The following ZKSCAN2 variants were observed in gnomAD, a reference collection of about 807,000 sequenced individuals.
The protein encoded by ZKSCAN2 is zinc finger with KRAB and SCAN domains 2.
Under a neutral mutation model 90.5 loss-of-function variants are expected in ZKSCAN2, and 38 were observed. The observed-to-expected ratio is 0.42, with a 90% CI of 0.32 to 0.55. ZKSCAN2 has a LOEUF of 0.55. Ranked by LOEUF, ZKSCAN2 falls within the 20% of genes least tolerant of loss-of-function variation. ZKSCAN2 has a pLI of 0.11. For synonymous variants in ZKSCAN2, 429 were observed against 421.6 expected (o/e 1.02, Z -0.22); for missense variants, 1,167 against 1,202.6 (o/e 0.97, Z 0.44).
Position 25,247,235 on chromosome 16 carries a change from C to G in ZKSCAN2, c.961G>C (p.Ala321Pro). 1.2e-6 allele frequency: 2 copies of G among 1,614,204 alleles called. No individual in the cohort carries two copies. The highest frequency in any genetic ancestry group is 1.1e-5 in the South Asian group (1 of 91,088). Residue 321 changes from alanine to proline, a missense_variant, in exon 5 of 7, where the codon GCA becomes CCA. By Grantham distance (27) the Ala-to-Pro change is conservative (BLOSUM62 -1). Transcript: ENST00000328086. ...TGCTGCTCTCTCCATGTTTTTCCTG[C>G]ACTCCTTGCAGGGACCTGAATAGCA... Reference protein sequence around the residue: ...VHAIQVPARSAGKTWREQQQW... With the variant: ...VHAIQVPARSPGKTWREQQQW...
rs1158911342 is a variant in ZKSCAN2, at chr16:25,236,033, T to C, written c.*3783A>G. On this transcript the variant is annotated 3_prime_UTR_variant, in exon 7 of 7. Transcript: ENST00000328086. ...AGAAACCAGTGGGAGCCATTTATTT[T>C]AGACATTTATTCCACAAACAAGTTT... 2.6e-5 allele frequency: 4 copies of C among 152,262 alleles called. No homozygotes were observed. The highest frequency in any genetic ancestry group is 1.3e-4 in the Admixed American group (2 of 15,282). 9.4% of individuals were successfully genotyped at this position (152,262 alleles called of 1,614,324 possible). A position where few individuals can be genotyped will look rare whatever the true frequency, so the allele number is the denominator to read the frequency against.
intron 1 of ZKSCAN2, among the ~76,000 whole-genome samples, chr16:25,256,524 A>T (rs964972017): frequency 6.6e-6 from 1 of 152,140 alleles, no homozygotes; most frequent in Non-Finnish European, 1.5e-5. Flanking sequence ...TATTTCAATC[A>T]AAGCTTTTAT....
intron 1 of ZKSCAN2, 144 bp downstream of exon 1, chr16:25,256,585 A>T (rs1963105366): frequency 1.3e-6 from 1 of 780,922 alleles, no homozygotes; most frequent in East Asian, 2.6e-5. Context: ...ATTCACTTAA[A>T]GTGAAAAGAC....
Position 25,255,395 on chromosome 16 carries a change from G to A in ZKSCAN2, c.400-3C>T. 2 of 1,608,476 alleles carry A rather than the reference G, an allele frequency of 1.2e-6. No individual in the cohort carries two copies. The highest frequency in any genetic ancestry group is 1.1e-5 in the South Asian group (1 of 90,700). On this transcript the variant is annotated splice_polypyrimidine_tract_variant and splice_region_variant and intron_variant, in intron 1 of 6. Transcript: ENST00000328086. ...TCCCGGTGCACGGGACTGCTGACCT[G>A]AGAAATGAAGTCAATACCATAAGAG...
rs1962830282 is a variant in ZKSCAN2, at chr16:25,240,223, A to G, written c.2497T>C (p.Cys833Arg). Reference protein sequence around the residue: ...RIHTGEKPYRCGECGKCFSQS... With the variant: ...RIHTGEKPYRRGECGKCFSQS... ...CTAAAGCATTTTCCACACTCTCCGCATCTGTAGGGTTTCTCTCCTGTGTGG... is the reference window on the plus strand; with the variant it reads ...CTAAAGCATTTTCCACACTCTCCGCGTCTGTAGGGTTTCTCTCCTGTGTGG... The change falls in exon 7 of 7, where the codon TGC (cysteine) becomes CGC (arginine). Residue 833 changes from cysteine (C) to arginine (R), a missense_variant. Coordinates refer to ENST00000328086, the MANE Select transcript of ZKSCAN2 (RefSeq NM_001012981.5). 1.2e-6 allele frequency: 2 copies of G among 1,613,962 alleles called. No individual in the cohort carries two copies. The highest frequency in any genetic ancestry group is 1.7e-6 in the Non-Finnish European group (2 of 1,180,026).
At chr16:25,251,774 G>T in intron 4 of ZKSCAN2, 135 bp downstream of exon 4, 1 of 963,486 alleles carries the variant, frequency 1.0e-6, no homozygotes, top group Non-Finnish European at 1.5e-6. Context: ...AGAGAACCTG[G>T]CTAAGTGATT....
Position 25,244,022 on chromosome 16 carries a change from G to C in ZKSCAN2, c.1744C>G (p.Leu582Val). The change falls in exon 6 of 7, where the codon CTG (leucine) becomes GTG (valine). Residue 582 changes from leucine to valine, a missense_variant. Leu to Val is a conservative substitution (Grantham distance 32). Transcript: ENST00000328086. The stretch of plus-strand genomic sequence containing the variant: ...GGAGCAGATGCCCGAGAGTTAATCA[G>C]GGCATCCATCTCCTTGTAGAACGCG... ...SCAFYKEMDA[L>V]INSRASAPSP... 3 of 1,614,178 alleles carry C rather than the reference G, an allele frequency of 1.9e-6. No individual in the cohort carries two copies. The highest frequency in any genetic ancestry group is 2.5e-6 in the Non-Finnish European group (3 of 1,180,040).
intron 2 of ZKSCAN2, among the ~76,000 whole-genome samples, chr16:25,253,259 A>T (rs1338526542): frequency 6.6e-6 from 1 of 152,138 alleles, no homozygotes; most frequent in Non-Finnish European, 1.5e-5. Context: ...GATGAAGGGG[A>T]CCAGGTAAGG....
chr16:25,256,947 C>T lies in ZKSCAN2; in HGVS notation c.181G>A (p.Glu61Lys), dbSNP rs749145060. Reference protein sequence around the residue: ...FCYEDVTGPHEAFSKLWELCC... With the variant: ...FCYEDVTGPHKAFSKLWELCC... ...AGTTCCCAGAGTTTACTGAAAGCTTCATGGGGTCCAGTCACATCCTCATAA... is the reference window on the plus strand; with the variant it reads ...AGTTCCCAGAGTTTACTGAAAGCTTTATGGGGTCCAGTCACATCCTCATAA... The change falls in exon 1 of 7, where the codon GAA becomes AAA. Residue 61 changes from glutamate (E) to lysine (K), a missense_variant. Physicochemically the swap from Glu to Lys is moderately conservative, Grantham distance 56 (BLOSUM62 1). Coordinates refer to ENST00000328086, the MANE Select transcript of ZKSCAN2 (RefSeq NM_001012981.5). 6.2e-7 allele frequency: 1 copy of T among 1,614,254 alleles called. No homozygotes were observed. The highest frequency in any genetic ancestry group is 8.5e-7 in the Non-Finnish European group (1 of 1,180,042).
chr16:25,236,582 T>C lies in ZKSCAN2; in HGVS notation c.*3234A>G, dbSNP rs993510541. 3 of 152,264 alleles carry C rather than the reference T, an allele frequency of 2.0e-5. No individual in the cohort carries two copies. The highest frequency in any genetic ancestry group is 7.2e-5 in the African/African-American group (3 of 41,474). The allele number at this position is 152,264 out of a possible 1,614,324, so 9.4% of individuals were successfully genotyped here. A position where few individuals can be genotyped will look rare whatever the true frequency, so the allele number is the denominator to read the frequency against. Reference sequence around the variant, plus strand: ...GAGCCGAGGCCCAGAGAGGCTATGATGTGTCAAACAACACTCATTTAGTGA... The same window carrying C: ...GAGCCGAGGCCCAGAGAGGCTATGACGTGTCAAACAACACTCATTTAGTGA... On this transcript the variant is annotated 3_prime_UTR_variant, in exon 7 of 7. Coordinates refer to ENST00000328086, the MANE Select transcript of ZKSCAN2 (RefSeq NM_001012981.5).
At chr16:25,248,322 A>G (rs1597643786) in intron 4 of ZKSCAN2, among the ~76,000 whole-genome samples, 1 of 150,452 alleles carries the variant, frequency 6.6e-6, no homozygotes. Flanking sequence ...ATCCAAAACA[A>G]CAACAAAAAC....
chr16:25,251,843 A>G (rs2141368660), intron 4 of ZKSCAN2, 66 bp downstream of exon 4: 1 of 1,554,880 alleles, frequency 6.4e-7, no homozygotes, highest in East Asian at 2.3e-5. Context: ...CCTATCTTCT[A>G]ATCAGTAGAA....
rs1273837562 is a variant in ZKSCAN2, at chr16:25,247,113, A to G, written c.1083T>C (p.Tyr361=). ...FLAILKESRF[Y]ETLQACPRNS... ...TTCGGGGACAGGCCTGAAGTGTTTC[A>G]TAAAAGCGAGACTCTTTGAGAATTG... The change falls in exon 5 of 7, where the codon TAT becomes TAC. Residue 361 remains tyrosine, a synonymous_variant. Transcript: ENST00000328086. 1.2e-6 allele frequency: 2 copies of G among 1,614,100 alleles called. No homozygotes were observed. Among genetic ancestry groups the G allele is most frequent in the Non-Finnish European group, 1.7e-6 (2 of 1,180,046 alleles).
chr16:25,253,095 G>A, intron 2 of ZKSCAN2, 58 bp from the exon 3 acceptor site: 1 of 1,324,442 alleles, frequency 7.6e-7, no homozygotes, highest in Non-Finnish European at 1.1e-6. Context: ...AATTCATGCT[G>A]TCTCTCTTTT....
At chr16:25,242,374 TTCCC>T (rs1962867312) in intron 6 of ZKSCAN2, among the ~76,000 whole-genome samples, 5 of 152,172 alleles carry the variant, frequency 3.3e-5, no homozygotes, top group Admixed American at 3.3e-4. Flanking sequence ...ATACTATAAT[TTCCC>T]ATATATATAC....
chr16:25,241,851 A>G (rs1962859177), intron 6 of ZKSCAN2, among the ~76,000 whole-genome samples: 1 of 152,130 alleles, frequency 6.6e-6, no homozygotes, highest in Admixed American at 6.6e-5. Context: ...ATCAATCTAG[A>G]CACTTAAGTA....
rs1962949318 is a variant in ZKSCAN2, at chr16:25,247,324, C to T, written c.872G>A (p.Gly291Asp). The T allele has an allele frequency of 6.2e-7, 1 of 1,613,740 alleles. No homozygotes were observed. The part of the protein sequence containing the change: ...LEQRKEPWTL[G>D]LHSSNKRSIL... Reference sequence around the variant, plus strand: ...ACTTCTCTTGTTAGAGGAATGCAGACCTAGAGTCCATGGCTCCTTTCTCTG... The same window carrying T: ...ACTTCTCTTGTTAGAGGAATGCAGATCTAGAGTCCATGGCTCCTTTCTCTG... Residue 291 changes from glycine (G) to aspartate (D), a missense_variant, in exon 5 of 7, where the codon GGT becomes GAT. Gly to Asp is a moderately conservative substitution (Grantham distance 94). Transcript: ENST00000328086.
chr16:25,252,384 G>C (rs1432423323), intron 3 of ZKSCAN2, among the ~76,000 whole-genome samples: 2 of 152,014 alleles, frequency 1.3e-5, no homozygotes, highest in Admixed American at 1.3e-4. Context: ...ATATACTCTT[G>C]TGGGGAGTAT....
In ZKSCAN2 at chr16:25,243,988, C is replaced by A. The variant is rs769066261; in HGVS notation, c.1778G>T (p.Ser593Ile). Residue 593 changes from serine to isoleucine, a missense_variant, in exon 6 of 7, where the codon AGC becomes ATC. By Grantham distance (142) the Ser-to-Ile change is moderately radical. Coordinates refer to ENST00000328086, the MANE Select transcript of ZKSCAN2 (RefSeq NM_001012981.5). Reference sequence around the variant, plus strand: ...AGGTGATGGGACTTCCTCTGGGGTGCTGGGGGAAGGAGCAGATGCCCGAGA... The same window carrying A: ...AGGTGATGGGACTTCCTCTGGGGTGATGGGGGAAGGAGCAGATGCCCGAGA... The part of the protein sequence containing the change: ...INSRASAPSP[S>I]TPEEVPSPSR... 2.5e-6 allele frequency: 4 copies of A among 1,614,186 alleles called. No homozygotes were observed. In the Admixed American group the frequency reaches 6.7e-5, roughly 27 times the overall value.
Sources: allele counts gnomAD v4.1 joint callset (sites outside exome capture counted in the v4.1 genomes callset), GRCh38; gene constraint gnomAD v4.1.1; transcripts MANE v1.5; gene names NCBI Gene and HGNC (gene_info 2026-07-23, HGNC 2026-07-21).